The following BTAF1 variants were observed in gnomAD, a reference collection of about 807,000 sequenced individuals.
BTAF1 encodes TATA-binding protein-associated factor 172.
BTAF1 carries 38 observed loss-of-function variants against 227.1 expected under a neutral mutation model. The observed-to-expected ratio is 0.17, with a 90% CI of 0.13 to 0.22. The LOEUF is 0.22. Ranked by LOEUF, BTAF1 falls within the 10% of genes least tolerant of loss-of-function variation. The pLI is 1.00. For synonymous variants in BTAF1, 742 were observed against 751.9 expected, an observed-to-expected ratio of 0.99 and a Z score of 0.21; for missense variants, 1,598 against 2,204.0, an observed-to-expected ratio of 0.73 and a Z score of 5.51.
chr10:91,959,378 C>A, intron 9 of BTAF1: 1 of 842,212 alleles, frequency 1.2e-6, no homozygotes, highest in Non-Finnish European at 1.7e-6. Flanking sequence ...CCTGGAGACA[C>A]TGGTAATAGT....
chr10:92,013,714 A>T lies in BTAF1; in HGVS notation c.4359A>T (p.Gly1453=), dbSNP rs12772148. 1 of 1,614,038 alleles carries T rather than the reference A, an allele frequency of 6.2e-7. No homozygotes were observed. The highest frequency in any genetic ancestry group is 1.7e-5 in the Admixed American group (1 of 60,010). ...LWSLFDFLMP[G]FLGTERQFAA... ...CATTATTTGATTTCCTCATGCCAGG[A>T]TTTTTGGGTACTGAACGCCAGTTTG... Residue 1453 remains glycine (G), a synonymous_variant, in exon 31 of 38, where the codon GGA becomes GGT. Transcript: ENST00000265990.
At chr10:91,966,367 T>C (rs1327351057) in intron 13 of BTAF1, among the ~76,000 whole-genome samples, 1 of 152,222 alleles carries the variant, frequency 6.6e-6, no homozygotes, top group African/African-American at 2.4e-5. Context: ...AGGTGACTCA[T>C]AGCATTAGTG....
chr10:91,997,465 C>A, intron 24 of BTAF1, 138 bp from the exon 25 acceptor site: 1 of 719,838 alleles, frequency 1.4e-6, no homozygotes, highest in Non-Finnish European at 2.2e-6. Context: ...AATCATAGGC[C>A]TGGAGGGTCA....
intron 28 of BTAF1, among the ~76,000 whole-genome samples, chr10:92,009,689 C>T (rs749623962): frequency 1.3e-5 from 2 of 152,244 alleles, no homozygotes; most frequent in African/African-American, 2.4e-5. Flanking sequence ...AAAGAGTTCC[C>T]CTTTGCTTTG....
At chr10:92,014,426 T>C (rs1850563917) in intron 32 of BTAF1, among the ~76,000 whole-genome samples, 1 of 152,120 alleles carries the variant, frequency 6.6e-6, no homozygotes. Flanking sequence ...TGGGTCTTGC[T>C]GTGTTGCCCA....
intron 20 of BTAF1, 73 bp from the exon 21 acceptor site, chr10:91,992,046 C>T: frequency 8.0e-7 from 1 of 1,254,128 alleles, no homozygotes; most frequent in East Asian, 2.5e-5. Context: ...AATGTTTTAT[C>T]TCTTATGGAG....
At chr10:91,986,895 G>GCC (rs1848429422) in intron 19 of BTAF1, among the ~76,000 whole-genome samples, 1 of 151,838 alleles carries the variant, frequency 6.6e-6, no homozygotes, top group African/African-American at 2.4e-5. Context: ...TTTCAAAGGA[G>GCC]CCACTGCCTT....
intron 8 of BTAF1, among the ~76,000 whole-genome samples, chr10:91,958,034 T>C (rs1170438191): frequency 2.6e-5 from 4 of 152,034 alleles, no homozygotes; most frequent in African/African-American, 9.7e-5. Flanking sequence ...TTGGTAGCTT[T>C]GGAGCTTAGG....
chr10:91,954,023 T>G, intron 6 of BTAF1, 150 bp downstream of exon 6: 1 of 1,174,498 alleles, frequency 8.5e-7, no homozygotes, highest in Admixed American at 2.6e-5. Flanking sequence ...GAGTATTCAT[T>G]GTACTAGGAA....
At chr10:91,944,412 C>A (rs929584045) in intron 4 of BTAF1, among the ~76,000 whole-genome samples, 1 of 152,040 alleles carries the variant, frequency 6.6e-6, no homozygotes, top group Admixed American at 6.6e-5. Flanking sequence ...AGATTATTTC[C>A]CCCAATAGGG....
intron 14 of BTAF1, among the ~76,000 whole-genome samples, chr10:91,973,273 T>G (rs1178589495): frequency 6.6e-6 from 1 of 152,222 alleles, no homozygotes; most frequent in Non-Finnish European, 1.5e-5. Flanking sequence ...ATTTGCTAAT[T>G]TATGACCTTT....
intron 34 of BTAF1, among the ~76,000 whole-genome samples, chr10:92,021,874 A>G (rs541389470): frequency 2.6e-5 from 4 of 152,148 alleles, no homozygotes; most frequent in South Asian, 4.1e-4. Context: ...TTTGACCACT[A>G]CAAGTGGAAG....
At chr10:91,952,134 A>G (rs1223099409) in intron 5 of BTAF1, among the ~76,000 whole-genome samples, 2 of 150,534 alleles carry the variant, frequency 1.3e-5, no homozygotes, top group East Asian at 3.9e-4. Context: ...GTGTGTGTGT[A>G]TATATGTATA....
intron 34 of BTAF1, among the ~76,000 whole-genome samples, chr10:92,019,855 C>T (rs1217184730): frequency 6.7e-6 from 1 of 148,624 alleles, no homozygotes; most frequent in African/African-American, 2.5e-5. Flanking sequence ...CTTATTTCAC[C>T]TTGTTGAGTT....
At chr10:91,938,269 A>G (rs750859450) in intron 2 of BTAF1, among the ~76,000 whole-genome samples, 27 of 152,196 alleles carry the variant, frequency 1.8e-4, no homozygotes, top group East Asian at 5.8e-4. Flanking sequence ...ATACTCTTCT[A>G]TGAGCTGTCT....
At chr10:92,008,722 A>G (rs920168395) in intron 26 of BTAF1, 107 bp from the exon 27 acceptor site, 14 of 1,057,236 alleles carry the variant, frequency 1.3e-5, no homozygotes, top group African/African-American at 1.3e-4. Context: ...TCTCTTTTGC[A>G]TATAGAAATA....
At chr10:91,957,179 A>G (rs1846164765) in intron 7 of BTAF1, 46 bp from the exon 8 acceptor site, 1 of 1,477,846 alleles carries the variant, frequency 6.8e-7, no homozygotes, top group Non-Finnish European at 9.4e-7. Context: ...TTGTTAGCAT[A>G]AAATAGACCT....
Position 91,933,421 on chromosome 10 carries a change from C to T in BTAF1, c.15-2236C>T, listed in dbSNP as rs143834969. On this transcript the variant is annotated intron_variant, in intron 1 of 37. Coordinates refer to ENST00000265990, the MANE Select transcript of BTAF1 (RefSeq NM_003972.3). Reference sequence around the variant, plus strand: ...AACAAATAACAGTATACAGTTTCCTCAGGGAGAAACTGATGAGAGTTGAGC... The same window carrying T: ...AACAAATAACAGTATACAGTTTCCTTAGGGAGAAACTGATGAGAGTTGAGC... Among the ~76,000 whole-genome samples, 1,210 of 152,216 alleles carry T rather than the reference C, an allele frequency of 7.9e-3. 6 individuals carry two copies. Among genetic ancestry groups the T allele is most frequent in the Non-Finnish European group, 0.014 (928 of 68,016 alleles).
intron 28 of BTAF1, among the ~76,000 whole-genome samples, chr10:92,009,989 T>C (rs1395337907): frequency 6.6e-6 from 1 of 152,214 alleles, no homozygotes; most frequent in Non-Finnish European, 1.5e-5. Context: ...ATGTTGTTAT[T>C]AAAATTTTTA....
Sources: allele counts gnomAD v4.1 joint callset (sites outside exome capture counted in the v4.1 genomes callset), GRCh38; gene constraint gnomAD v4.1.1; transcripts MANE v1.5; gene names NCBI Gene and HGNC (gene_info 2026-07-23, HGNC 2026-07-21).